Variants in AP3S1 observed in about 807,000 individuals in gnomAD.
AP3S1 encodes AP-3 complex subunit sigma-1.
A neutral mutation model predicts 21.3 loss-of-function variants in AP3S1; 12 were observed. The observed-to-expected ratio is 0.56, with a 90% CI of 0.36 to 0.91. The LOEUF (loss-of-function observed/expected upper bound fraction) is 0.91. Ranked by LOEUF, AP3S1 falls within the 40% of genes least tolerant of loss-of-function variation. AP3S1 has a pLI of 0.01. For synonymous variants in AP3S1, 48 were observed against 78.4 expected (o/e 0.61, Z 2.05); for missense variants, 116 against 225.0 (o/e 0.52, Z 3.10).
intron 5 of AP3S1, among the ~76,000 whole-genome samples, chr5:115,905,921 T>G (rs1356080647): frequency 6.6e-6 from 1 of 152,194 alleles, no homozygotes; most frequent in Non-Finnish European, 1.5e-5. Context: ...TTGGGATCAC[T>G]CAGGTGATCT....
intron 5 of AP3S1, 96 bp downstream of exon 5, chr5:115,903,088 C>A: frequency 3.4e-6 from 3 of 886,456 alleles, no homozygotes; most frequent in Non-Finnish European, 3.5e-6. Context: ...CAGTATCACC[C>A]TTTAGGTTCA....
chr5:115,843,179 G>A (rs1761770000), intron 1 of AP3S1, among the ~76,000 whole-genome samples: 1 of 152,142 alleles, frequency 6.6e-6, no homozygotes, highest in South Asian at 2.1e-4. Flanking sequence ...ACTGTTGTGT[G>A]GTATTGTGGC....
intron 3 of AP3S1, among the ~76,000 whole-genome samples, chr5:115,882,180 A>G (rs1749356094): frequency 6.6e-6 from 1 of 151,992 alleles, no homozygotes; most frequent in African/African-American, 2.4e-5. Flanking sequence ...GTTATTACCC[A>G]CCATCTGAAG....
intron 3 of AP3S1, among the ~76,000 whole-genome samples, chr5:115,891,303 T>C (rs1750279675): frequency 6.6e-6 from 1 of 152,116 alleles, no homozygotes. Context: ...ATTTGGGAGT[T>C]TGTCCCCCAC....
intron 5 of AP3S1, chr5:115,903,890 A>C (rs1399949976): frequency 6.6e-6 from 1 of 152,144 alleles, no homozygotes; most frequent in African/African-American, 2.4e-5. Flanking sequence ...CAACATGGTG[A>C]AACCCCATCT....
At chr5:115,898,045 A>T (rs574000229) in intron 4 of AP3S1, among the ~76,000 whole-genome samples, 1 of 152,350 alleles carries the variant, frequency 6.6e-6, no homozygotes, top group African/African-American at 2.4e-5. Context: ...CTTAAAACAA[A>T]AAAGGGTTAT....
intron 1 of AP3S1, among the ~76,000 whole-genome samples, chr5:115,850,597 A>G (rs1762373792): frequency 6.6e-6 from 1 of 152,098 alleles, no homozygotes; most frequent in African/African-American, 2.4e-5. Flanking sequence ...AAAACCTCAT[A>G]TAGGAGGAAT....
chr5:115,866,930 A>G (rs1763667796), intron 2 of AP3S1, among the ~76,000 whole-genome samples, 169 bp downstream of exon 2: 1 of 152,130 alleles, frequency 6.6e-6, no homozygotes, highest in Admixed American at 6.5e-5. Context: ...TTTTTAAAAG[A>G]TATGCAATCT....
At chr5:115,910,188 C>G (rs1231805544) in intron 5 of AP3S1, among the ~76,000 whole-genome samples, 1 of 151,372 alleles carries the variant, frequency 6.6e-6, no homozygotes, top group Non-Finnish European at 1.5e-5. Context: ...TCACTTGAGC[C>G]CAGGAGTTCA....
intron 2 of AP3S1, among the ~76,000 whole-genome samples, chr5:115,868,920 TGAAG>T (rs1747949162): frequency 1.9e-5 from 1 of 52,886 alleles, no homozygotes; most frequent in Non-Finnish European, 3.2e-5. Context: ...AAAGAGAGGA[TGAAG>T]GGAGGGAGGG....
chr5:115,894,977 A>G (rs371077771), intron 3 of AP3S1, 110 bp from the exon 4 acceptor site: 2 of 658,792 alleles, frequency 3.0e-6, no homozygotes, highest in South Asian at 4.8e-5. Context: ...TTTGAAAAAG[A>G]TAAATGTATA....
chr5:115,868,960 A>AGGGC (rs1747968234), intron 2 of AP3S1, among the ~76,000 whole-genome samples: 1 of 6,804 alleles, frequency 1.5e-4, no homozygotes. Flanking sequence ...GAAGGGAGGG[A>AGGGC]GGGAGGGAGG....
chr5:115,909,619 C>G (rs1370101868), intron 5 of AP3S1, among the ~76,000 whole-genome samples: 4 of 152,124 alleles, frequency 2.6e-5, no homozygotes, highest in African/African-American at 9.7e-5. Context: ...TGGTGGTGCT[C>G]AGGTATAACA....
At position 115,911,455 on chromosome 5, in the gene AP3S1, GTCT is replaced by G. The variant is rs564366283; in HGVS notation, c.454-1902_454-1900del. 2.4e-3 allele frequency among the ~76,000 whole-genome samples: 372 copies of G among 151,846 alleles called. 3 individuals are homozygous for G. Among genetic ancestry groups the G allele is most frequent in the African/African-American group, 8.6e-3 (355 of 41,446 alleles). Reference sequence around the variant, plus strand: ...CTTTTCTATAGTCAGTTCATTATTTGTCTTCTTTATGGAAATTCCTAAGTAAAA... The same window carrying G: ...CTTTTCTATAGTCAGTTCATTATTTGTCTTTATGGAAATTCCTAAGTAAAA... On this transcript the variant is annotated intron_variant, in intron 5 of 5. Coordinates refer to ENST00000316788, the MANE Select transcript of AP3S1 (RefSeq NM_001284.4).
chr5:115,910,529 C>G (rs1338752123), intron 5 of AP3S1, among the ~76,000 whole-genome samples: 2 of 151,708 alleles, frequency 1.3e-5, no homozygotes, highest in Non-Finnish European at 2.9e-5. Flanking sequence ...AAATCTTAAC[C>G]AAGATGAAAA....
chr5:115,901,413 T>A (rs1227552501), intron 4 of AP3S1, among the ~76,000 whole-genome samples: 2 of 136,556 alleles, frequency 1.5e-5, no homozygotes, highest in South Asian at 2.3e-4. Context: ...TTTTTTTTTT[T>A]AAGTTACGGT....
chr5:115,851,904 C>CTA (rs1315488162), intron 1 of AP3S1, among the ~76,000 whole-genome samples: 1 of 151,790 alleles, frequency 6.6e-6, no homozygotes, highest in Non-Finnish European at 1.5e-5. Context: ...TTTTTAATTA[C>CTA]TATATAATAG....
intron 3 of AP3S1, among the ~76,000 whole-genome samples, chr5:115,893,095 A>G (rs1269340875): frequency 6.6e-6 from 1 of 152,204 alleles, no homozygotes; most frequent in Non-Finnish European, 1.5e-5. Flanking sequence ...ATTTCCCCAT[A>G]AGCAAAAAGT....
intron 3 of AP3S1, among the ~76,000 whole-genome samples, chr5:115,886,940 C>T (rs1235569655): frequency 6.6e-6 from 1 of 152,150 alleles, no homozygotes; most frequent in Non-Finnish European, 1.5e-5. Context: ...TTTTTGCTAA[C>T]ATTGTCATCA....
Sources: gnomAD v4.1 joint callset for allele counts (sites outside exome capture counted in the v4.1 genomes callset) on GRCh38, gnomAD v4.1.1 for gene constraint, MANE v1.5 for transcripts, NCBI Gene and HGNC (gene_info 2026-07-23, HGNC 2026-07-21) for gene names.